CELF2: variants seen among roughly 807,000 people sequenced by gnomAD.
CELF2 encodes CUGBP Elav-like family member 2.
A neutral mutation model predicts 62.6 loss-of-function variants in CELF2; 8 were observed. That is an observed-to-expected ratio of 0.13 (90% CI 0.07 to 0.23). The LOEUF (loss-of-function observed/expected upper bound fraction) is 0.23, where lower values mean the gene tolerates loss of function less well. Among genes scored for constraint, CELF2 ranks in the 10% least tolerant of loss-of-function variants. The pLI, the probability that CELF2 is intolerant of heterozygous loss-of-function variation, is 1.00. For missense variants in CELF2, 333 were observed against 671.0 expected (o/e 0.50, Z 5.56); for synonymous variants, 258 against 250.0 (o/e 1.03, Z -0.30).
chr10:11,228,142 G>C (rs946118365), intron 3 of CELF2, among the ~76,000 whole-genome samples: 5 of 152,164 alleles, frequency 3.3e-5, no homozygotes, highest in Non-Finnish European at 4.4e-5. Flanking sequence ...GATGTTTCTA[G>C]CATATTTTGG....
At chr10:11,135,478 A>G (rs2060286560) in intron 1 of CELF2, among the ~76,000 whole-genome samples, 1 of 152,384 alleles carries the variant, frequency 6.6e-6, no homozygotes, top group South Asian at 2.1e-4. Context: ...ACTCCACTCT[A>G]GTTCAACACT....
At chr10:10,749,631 T>C in the CELF2 span, among the ~76,000 whole-genome samples, 1 of 152,218 alleles carries the variant, frequency 6.6e-6, no homozygotes, top group Non-Finnish European at 1.5e-5. Context: ...TGGCATAAGA[T>C]ACTATTTTAA....
rs1238625547 is a variant in CELF2 at position 11,329,692 on chromosome 10, C to CTATT, written c.*641_*644dup. ...TTGGTCAAAATATTACACTGGTTGT[C>CTATT]TATTTTGTTATTGTTTTATTTTAGT... On this transcript the variant is annotated 3_prime_UTR_variant, in exon 13 of 13. Transcript: ENST00000633077. The surrounding 1 kb of genome is among the most constrained non-coding windows in gnomAD (Gnocchi z 5.5). The CTATT allele has an allele frequency of 2.6e-5, 4 of 152,458 alleles. No individual in the cohort carries two copies. Among genetic ancestry groups the CTATT allele is most frequent in the African/African-American group, 7.2e-5 (3 of 41,416 alleles). 9.4% of individuals were successfully genotyped at this position (152,458 alleles called of 1,614,324 possible).
intron 3 of CELF2, among the ~76,000 whole-genome samples, chr10:11,236,426 G>T (rs368774446): frequency 1.3e-5 from 2 of 152,228 alleles, no homozygotes; most frequent in East Asian, 1.9e-4. Flanking sequence ...GATGCCTTGC[G>T]TTGTGCAGGA....
chr10:10,968,720 A>G (rs960612267), intron 2 of CELF2, among the ~76,000 whole-genome samples: 5 of 146,240 alleles, frequency 3.4e-5, no homozygotes, highest in Non-Finnish European at 3.0e-5. Flanking sequence ...TTTTACTAAA[A>G]GTGGTGAAAA....
At chr10:10,977,002 C>G (rs960071572) in intron 2 of CELF2, among the ~76,000 whole-genome samples, 1 of 149,942 alleles carries the variant, frequency 6.7e-6, no homozygotes, top group Non-Finnish European at 1.5e-5. Flanking sequence ...TGACTGTGTC[C>G]CAGAAAGAAA....
At chr10:10,595,175 T>C in the CELF2 span, among the ~76,000 whole-genome samples, 1 of 152,208 alleles carries the variant, frequency 6.6e-6, no homozygotes, top group African/African-American at 2.4e-5. Context: ...GCCATGAAAA[T>C]GTATGTTACA....
At chr10:10,539,677 A>G in the CELF2 span, among the ~76,000 whole-genome samples, 1,481 of 152,294 alleles carry the variant, frequency 9.7e-3, 23 homozygotes, top group African/African-American at 0.034. Context: ...CACTGCTTTT[A>G]CTCAGCTTGC....
chr10:10,891,233 G>C (rs1218456365), intron 1 of CELF2, among the ~76,000 whole-genome samples: 1 of 152,082 alleles, frequency 6.6e-6, no homozygotes, highest in Non-Finnish European at 1.5e-5. Context: ...GGAATATACT[G>C]CTGTTCACTC....
Position 11,309,154 on chromosome 10 carries a change from T to C in CELF2, c.977-4985T>C, listed in dbSNP as rs1182386899. On this transcript the variant is annotated intron_variant, in intron 9 of 12. Transcript: ENST00000633077. This position sits in a 1 kb window ranked among gnomAD's most constrained non-coding sequence, Gnocchi z 5.6. ...CGCACAGTTTCTGTTGTCTGCTGTCTGCTTTTTCCTGTGTACGGATTGCAT... is the reference window on the plus strand; with the variant it reads ...CGCACAGTTTCTGTTGTCTGCTGTCCGCTTTTTCCTGTGTACGGATTGCAT... Among the ~76,000 whole-genome samples the C allele has an allele frequency of 4.6e-5, 7 of 152,248 alleles. No individual in the cohort carries two copies. The highest frequency in any genetic ancestry group is 4.6e-4 in the Admixed American group (7 of 15,292).
Position 11,227,807 on chromosome 10 carries a change from G to C in CELF2, c.354+10300G>C, listed in dbSNP as rs974273510. Among the ~76,000 whole-genome samples the C allele has an allele frequency of 6.6e-6, 1 of 152,138 alleles. No individual in the cohort carries two copies. Among genetic ancestry groups the C allele is most frequent in the African/African-American group, 2.4e-5 (1 of 41,432 alleles). On this transcript the variant is annotated intron_variant, in intron 3 of 12. Coordinates refer to ENST00000633077, the MANE Select transcript of CELF2 (RefSeq NM_001326342.2). This position sits in a 1 kb window ranked among gnomAD's most constrained non-coding sequence, Gnocchi z 4.8. ...GTCACGCATCAGGGACGAGGGTACC[G>C]AGTGAGAGCAAAGGATAGGCTCCTG...
chr10:10,524,465 T>C, the CELF2 span, among the ~76,000 whole-genome samples: 1 of 151,084 alleles, frequency 6.6e-6, no homozygotes, highest in East Asian at 1.9e-4. Context: ...ATTGTTAACA[T>C]AGGATTGAGT....
In CELF2 at chr10:11,218,506, A is replaced by T. The variant is rs528217914; in HGVS notation, c.354+999A>T. On this transcript the variant is annotated intron_variant, in intron 3 of 12. Transcript: ENST00000633077. ...AGAAAAGATAGCATTTGTATGATTC[A>T]TCCTAGACTCGTTCACAATACAAGA... Among the ~76,000 whole-genome samples the T allele has an allele frequency of 2.0e-5, 3 of 152,360 alleles. No individual in the cohort carries two copies. The South Asian group carries it at 6.2e-4, about 32-fold the overall frequency.
At chr10:10,513,483 T>C in the CELF2 span, among the ~76,000 whole-genome samples, 1 of 152,188 alleles carries the variant, frequency 6.6e-6, no homozygotes, top group Admixed American at 6.5e-5. Context: ...TCCAGTTAAA[T>C]ATAATCCTCC....
At chr10:10,523,272 T>C in the CELF2 span, among the ~76,000 whole-genome samples, 1 of 152,234 alleles carries the variant, frequency 6.6e-6, no homozygotes, top group Non-Finnish European at 1.5e-5. Flanking sequence ...TGAGTTTCTT[T>C]AGCAACACTC....
At chr10:10,499,129 C>T in the CELF2 span, among the ~76,000 whole-genome samples, 5 of 150,318 alleles carry the variant, frequency 3.3e-5, no homozygotes, top group Non-Finnish European at 5.9e-5. Flanking sequence ...TTCAATGGCA[C>T]GATCTCAGCT....
chr10:10,492,863 A>G, the CELF2 span, among the ~76,000 whole-genome samples: 1 of 150,828 alleles, frequency 6.6e-6, no homozygotes, highest in Non-Finnish European at 1.5e-5. Flanking sequence ...CATGGTAGTG[A>G]ATAAGTCTCA....
At position 11,264,749 on chromosome 10, in the gene CELF2, G is replaced by T. The variant is rs540090944; in HGVS notation, c.539-1849G>T. ...TACATCATCTAGCTGCCTCAGAGAA[G>T]GCCACTAAATTGCTGTTATTGATGA... is the stretch of plus-strand genomic sequence containing the variant. On this transcript the variant is annotated intron_variant, in intron 5 of 12. Transcript: ENST00000633077. Among the ~76,000 whole-genome samples the T allele has an allele frequency of 6.6e-5, 10 of 152,310 alleles. No homozygotes were observed. The South Asian group carries it at 2.1e-3, about 32-fold the overall frequency.
the CELF2 span, among the ~76,000 whole-genome samples, chr10:10,649,127 T>C: frequency 4.6e-5 from 7 of 152,336 alleles, no homozygotes; most frequent in Admixed American, 2.6e-4. Context: ...CTCTCATTTT[T>C]TCATGCTGGT....
Sources: gnomAD v4.1 joint callset for allele counts (sites outside exome capture counted in the v4.1 genomes callset) on GRCh38, gnomAD v4.1.1 for gene constraint, Gnocchi (gnomAD v3.1) non-coding constraint, MANE v1.5 for transcripts, NCBI Gene and HGNC (gene_info 2026-07-23, HGNC 2026-07-21) for gene names.